The following MACF1 variants were observed in gnomAD, a reference collection of about 807,000 sequenced individuals.
The protein encoded by MACF1 is microtubule-actin cross-linking factor 1.
Under a neutral mutation model 854.8 loss-of-function variants are expected in MACF1, and 193 were observed. The observed-to-expected ratio is 0.23, with a 90% CI of 0.20 to 0.25. The LOEUF is 0.25. Among genes scored for constraint, MACF1 ranks in the 10% least tolerant of loss-of-function variants. The pLI is 1.00. For synonymous variants in MACF1, 3,185 were observed against 3,226.7 expected (o/e 0.99, Z 0.44); for missense variants, 7,722 against 8,929.1 (o/e 0.86, Z 5.45).
Position 39,285,215 on chromosome 1 carries a change from G to T in MACF1, c.1259+5G>T, listed in dbSNP as rs1244699539. ...ACTTCGGCCGGCTGTGGAGAGGTGGGTCCAGATCCTGAGAGTGGTCTGACA... is the reference window on the plus strand; with the variant it reads ...ACTTCGGCCGGCTGTGGAGAGGTGGTTCCAGATCCTGAGAGTGGTCTGACA... On this transcript the variant is annotated splice_donor_5th_base_variant and intron_variant, in intron 12 of 100. Transcript: ENST00000564288. 2 of 1,614,076 alleles carry T rather than the reference G, an allele frequency of 1.2e-6. No individual in the cohort carries two copies. The highest frequency in any genetic ancestry group is 1.7e-6 in the Non-Finnish European group (2 of 1,180,044).
chr1:39,136,396 G>A (rs1378318807), intron 2 of MACF1, among the ~76,000 whole-genome samples: 1 of 152,192 alleles, frequency 6.6e-6, no homozygotes, highest in Non-Finnish European at 1.5e-5. Context: ...GGAGGGTGAG[G>A]AGAGGCAGTA....
At chr1:39,131,622 T>C (rs1405190726) in intron 2 of MACF1, among the ~76,000 whole-genome samples, 1 of 152,228 alleles carries the variant, frequency 6.6e-6, no homozygotes, top group Non-Finnish European at 1.5e-5. Flanking sequence ...CAGCTCAAAG[T>C]GTCTATAAAT....
chr1:39,135,048 T>C (rs1052107865), intron 2 of MACF1, among the ~76,000 whole-genome samples: 1 of 152,168 alleles, frequency 6.6e-6, no homozygotes, highest in Admixed American at 6.6e-5. Flanking sequence ...TATTTGTCCT[T>C]TTGTGTCTGG....
chr1:39,237,111 C>G lies in MACF1; in HGVS notation c.171+5868C>G, dbSNP rs149257137. Among the ~76,000 whole-genome samples, 567 of 152,348 alleles carry G rather than the reference C, an allele frequency of 3.7e-3. 4 individuals are homozygous for G. Among genetic ancestry groups the G allele is most frequent in the African/African-American group, 0.013 (547 of 41,580 alleles). On this transcript the variant is annotated intron_variant, in intron 2 of 100. Transcript: ENST00000564288. ...CTGTTTTTTGTAGCTTGCGCTATAG[C>G]CACATGAGACAACTCACTGCCCCCT...
intron 2 of MACF1, among the ~76,000 whole-genome samples, chr1:39,174,485 T>G (rs1282126660): frequency 6.6e-6 from 1 of 151,162 alleles, no homozygotes; most frequent in Non-Finnish European, 1.5e-5. Flanking sequence ...AAGTCAGGGC[T>G]TTTTTTTTAT....
chr1:39,348,629 A>G (rs1647109896), intron 41 of MACF1, among the ~76,000 whole-genome samples: 2 of 152,260 alleles, frequency 1.3e-5, no homozygotes, highest in South Asian at 4.1e-4. Context: ...AGAGAGGGCC[A>G]ATTTGGGCAC....
intron 2 of MACF1, among the ~76,000 whole-genome samples, chr1:39,085,243 T>A (rs1016815178): frequency 3.3e-5 from 5 of 152,230 alleles, no homozygotes; most frequent in African/African-American, 1.2e-4. Context: ...GAAGGTTAGA[T>A]GAAATAATGT....
chr1:39,447,930 G>C (rs973311665), intron 82 of MACF1, 32 bp downstream of exon 82: 2 of 1,612,652 alleles, frequency 1.2e-6, no homozygotes, highest in Non-Finnish European at 8.5e-7. Context: ...CTAATTCACT[G>C]AAGAGTCTTG....
chr1:39,458,966 ATTTC>A (rs746461932), intron 90 of MACF1, 116 bp from the exon 91 acceptor site: 100 of 895,004 alleles, frequency 1.1e-4, no homozygotes, highest in Non-Finnish European at 1.6e-4. Context: ...CAAGTCCCGT[ATTTC>A]TTTTCTCAGT....
chr1:39,465,045 CTT>C (rs566778389), intron 94 of MACF1, 48 bp from the exon 95 acceptor site: 4 of 1,528,852 alleles, frequency 2.6e-6, no homozygotes, highest in South Asian at 2.3e-5. Flanking sequence ...AAAATGTTCT[CTT>C]TTTTTTTCCC....
chr1:39,397,493 C>T (rs1021314405), intron 58 of MACF1, among the ~76,000 whole-genome samples: 1 of 151,478 alleles, frequency 6.6e-6, no homozygotes, highest in Non-Finnish European at 1.5e-5. Flanking sequence ...ACCCGGGAGG[C>T]AGAGGTTGCA....
rs1447313540 is a variant in MACF1, at chr1:39,350,976, G to A, written c.11157G>A (p.Leu3719=). Residue 3719 remains leucine (L), a synonymous_variant, in exon 43 of 101, where the codon CTG becomes CTA. Coordinates refer to ENST00000564288, the MANE Select transcript of MACF1 (RefSeq NM_001394062.1). ...AGACACGTGTGGCCCAGAAGGAACT[G>A]GAGGAAGCAGTGACCTCCGCCTTAC... ...QEETRVAQKE[L]EEAVTSALQQ... 2 of 1,614,138 alleles carry A rather than the reference G, an allele frequency of 1.2e-6. No homozygotes were observed. The highest frequency in any genetic ancestry group is 1.7e-6 in the Non-Finnish European group (2 of 1,180,000).
At chr1:39,433,355 A>G (rs562933804) in intron 68 of MACF1, among the ~76,000 whole-genome samples, 200 bp downstream of exon 68, 1 of 152,322 alleles carries the variant, frequency 6.6e-6, no homozygotes, top group African/African-American at 2.4e-5. Context: ...ATCCTATATA[A>G]TGTGAAATAT....
At chr1:39,152,873 G>A (rs909038260) in intron 2 of MACF1, among the ~76,000 whole-genome samples, 1 of 149,632 alleles carries the variant, frequency 6.7e-6, no homozygotes, top group African/African-American at 2.4e-5. Context: ...AAAAAAGGCA[G>A]TTGGTGGCCT....
chr1:39,120,380 A>G (rs1642669549), intron 2 of MACF1, among the ~76,000 whole-genome samples: 1 of 152,012 alleles, frequency 6.6e-6, no homozygotes, highest in South Asian at 2.1e-4. Context: ...TCCTACTACA[A>G]GAGTGAGACT....
At chr1:39,392,826 AGACC>A (rs1557627529) in intron 58 of MACF1, among the ~76,000 whole-genome samples, 2 of 152,046 alleles carry the variant, frequency 1.3e-5, no homozygotes, top group Admixed American at 6.6e-5. Context: ...CCTCACTGGC[AGACC>A]AGATTCTATC....
rs906940866 is a variant in MACF1 at position 39,349,458 on chromosome 1, C to T, written c.10816-20C>T. The T allele has an allele frequency of 6.3e-7, 1 of 1,599,502 alleles. No homozygotes were observed. The highest frequency in any genetic ancestry group is 8.5e-7 in the Non-Finnish European group (1 of 1,173,440). ...ATGTGAATTACGAAATGTCTCTTGA[C>T]CCCTTTGCATTTTAATTAGACCCTG... On this transcript the variant is annotated intron_variant, in intron 41 of 100. Coordinates refer to ENST00000564288, the MANE Select transcript of MACF1 (RefSeq NM_001394062.1).
chr1:39,406,002 G>A (rs1642683960), intron 58 of MACF1, among the ~76,000 whole-genome samples: 1 of 152,082 alleles, frequency 6.6e-6, no homozygotes, highest in African/African-American at 2.4e-5. Context: ...AGAAACTCAT[G>A]AACAGATAAA....
At chr1:39,413,847 A>T in intron 58 of MACF1, 5 of 1,607,534 alleles carry the variant, frequency 3.1e-6, no homozygotes, top group Non-Finnish European at 4.2e-6. Context: ...CCCTGGAGGA[A>T]CCCACTTCCC....
Sources: allele counts gnomAD v4.1 joint callset (sites outside exome capture counted in the v4.1 genomes callset), GRCh38; gene constraint gnomAD v4.1.1; transcripts MANE v1.5; gene names NCBI Gene and HGNC (gene_info 2026-07-23, HGNC 2026-07-21).